The following MARCHF1 variants were observed in gnomAD, a reference collection of about 807,000 sequenced individuals.
The protein encoded by MARCHF1 is membrane associated ring-CH-type finger 1, also known as E3 ubiquitin-protein ligase MARCHF1.
MARCHF1 carries 40 observed loss-of-function variants against 54.2 expected under a neutral mutation model. The observed-to-expected ratio is 0.74, with a 90% CI of 0.57 to 0.96. The LOEUF is 0.96. Ranked by LOEUF, MARCHF1 falls within the 40% of genes least tolerant of loss-of-function variation. The probability of loss-of-function intolerance (pLI) is 0.00; values close to 1 mark genes in which losing one functional copy is unlikely to be tolerated. For missense variants in MARCHF1, 586 were observed against 656.5 expected, an observed-to-expected ratio of 0.89 and a Z score of 1.17; for synonymous variants, 236 against 236.3, an observed-to-expected ratio of 1.00 and a Z score of 0.01.
At chr4:163,824,943 A>T (rs1488524646) in intron 4 of MARCHF1, among the ~76,000 whole-genome samples, 1 of 149,460 alleles carries the variant, frequency 6.7e-6, no homozygotes, top group African/African-American at 2.5e-5. Flanking sequence ...ACAATGAGAT[A>T]CCATCTCACA....
chr4:164,162,782 G>A (rs1045519931), intron 1 of MARCHF1, among the ~76,000 whole-genome samples: 2 of 152,008 alleles, frequency 1.3e-5, no homozygotes, highest in East Asian at 1.9e-4. Context: ...AAGAGCTCAG[G>A]AAATTCAAAG....
chr4:163,634,244 C>A (rs1279038443), intron 5 of MARCHF1, among the ~76,000 whole-genome samples: 6 of 151,250 alleles, frequency 4.0e-5, no homozygotes, highest in Non-Finnish European at 7.4e-5. Context: ...TCACACATAA[C>A]AATATTAACT....
intron 1 of MARCHF1, among the ~76,000 whole-genome samples, chr4:164,169,219 TTAAAG>T (rs1240636753): frequency 2.0e-5 from 3 of 152,098 alleles, no homozygotes; most frequent in Non-Finnish European, 4.4e-5. Flanking sequence ...CTTTAAAAAA[TTAAAG>T]TAAACTTAAA....
intron 1 of MARCHF1, among the ~76,000 whole-genome samples, chr4:164,238,950 T>C (rs1216749713): frequency 6.6e-6 from 1 of 152,060 alleles, no homozygotes; most frequent in Non-Finnish European, 1.5e-5. Flanking sequence ...GGAAACCTGA[T>C]ATTCTGTTTT....
At chr4:164,192,936 G>A in intron 1 of MARCHF1, among the ~76,000 whole-genome samples, 1 of 152,140 alleles carries the variant, frequency 6.6e-6, no homozygotes, top group East Asian at 1.9e-4. Context: ...AATGGTTAGA[G>A]GGAGGACACT....
At chr4:163,912,843 G>A (rs1751224856) in intron 3 of MARCHF1, among the ~76,000 whole-genome samples, 1 of 152,188 alleles carries the variant, frequency 6.6e-6, no homozygotes, top group African/African-American at 2.4e-5. Flanking sequence ...TATTTAGGAA[G>A]TTACTACGAA....
At chr4:164,264,941 C>CA (rs1733569168) in intron 1 of MARCHF1, among the ~76,000 whole-genome samples, 1 of 136,504 alleles carries the variant, frequency 7.3e-6, no homozygotes, top group Non-Finnish European at 1.6e-5. Flanking sequence ...ACAAAAAAAA[C>CA]ACCACCATCA....
intron 4 of MARCHF1, among the ~76,000 whole-genome samples, chr4:163,788,669 C>T (rs796898994): frequency 5.3e-5 from 8 of 152,128 alleles, no homozygotes; most frequent in African/African-American, 1.9e-4. Flanking sequence ...GCCTTTCTCA[C>T]TGCATCATAT....
At chr4:163,601,040 T>A (rs1740945859) in intron 7 of MARCHF1, among the ~76,000 whole-genome samples, 1 of 152,142 alleles carries the variant, frequency 6.6e-6, no homozygotes, top group South Asian at 2.1e-4. Flanking sequence ...AAAAGAAAAC[T>A]CGTTGAGGTT....
At chr4:164,282,813 T>C (rs985747061) in intron 1 of MARCHF1, among the ~76,000 whole-genome samples, 2 of 151,284 alleles carry the variant, frequency 1.3e-5, no homozygotes, top group Admixed American at 1.3e-4. Flanking sequence ...TTCCATGTGA[T>C]AATTATTTCT....
intron 4 of MARCHF1, among the ~76,000 whole-genome samples, chr4:163,727,906 T>C (rs1468606589): frequency 6.6e-6 from 1 of 151,950 alleles, no homozygotes; most frequent in African/African-American, 2.4e-5. Flanking sequence ...AGGCTGGTCT[T>C]AAACTCCTGG....
intron 4 of MARCHF1, among the ~76,000 whole-genome samples, chr4:163,800,944 A>C (rs1748066815): frequency 6.6e-6 from 1 of 152,054 alleles, no homozygotes; most frequent in Admixed American, 6.6e-5. Flanking sequence ...GTGTCTCTAA[A>C]ATCAATTATT....
chr4:164,017,671 C>T (rs1378526974), intron 2 of MARCHF1, among the ~76,000 whole-genome samples: 1 of 151,532 alleles, frequency 6.6e-6, no homozygotes, highest in African/African-American at 2.4e-5. Context: ...TAAATAAATA[C>T]ATATATTATT....
chr4:164,176,378 C>G (rs926184879), intron 1 of MARCHF1, among the ~76,000 whole-genome samples: 2 of 152,102 alleles, frequency 1.3e-5, no homozygotes, highest in Non-Finnish European at 2.9e-5. Context: ...ACAGCACTAA[C>G]AAAAGGTATC....
At chr4:164,106,155 T>G (rs907791928) in intron 2 of MARCHF1, among the ~76,000 whole-genome samples, 10 of 148,552 alleles carry the variant, frequency 6.7e-5, no homozygotes, top group Admixed American at 1.3e-4. Context: ...GGAACACTTT[T>G]ACACTGTTGG....
Position 164,276,947 on chromosome 4 carries a change from T to TATATATATATATATAG in MARCHF1, c.-323+106922_-323+106923insCTATATATATATATAT, listed in dbSNP as rs1392528920. Among the ~76,000 whole-genome samples the TATATATATATATATAG allele has an allele frequency of 7.1e-3, 844 of 118,640 alleles. 3 individuals are homozygous for TATATATATATATATAG. Among genetic ancestry groups the TATATATATATATATAG allele is most frequent in the Non-Finnish European group, 0.011 (563 of 53,552 alleles). 77.8% of individuals were successfully genotyped at this position (118,640 alleles called of 152,430 possible). On this transcript the variant is annotated intron_variant, in intron 1 of 9. Transcript: ENST00000514618. ...ATGTCTCATATTCTATATATATATATAGAGAGAGAGAGAGAGAGAGACAGA... is the reference window on the plus strand; with the variant it reads ...ATGTCTCATATTCTATATATATATATATATATATATATATAGAGAGAGAGAGAGAGAGAGAGACAGA...
rs185532328 is a variant in MARCHF1, at chr4:164,093,539, T to C, written c.-248+18049A>G. On this transcript the variant is annotated intron_variant, in intron 2 of 9. Coordinates refer to ENST00000514618, the MANE Select transcript of MARCHF1 (RefSeq NM_001394959.1). The stretch of plus-strand genomic sequence containing the variant: ...TCTGTGCTCTGTTACAAAGAGTCTA[T>C]GATACCCAAACTATATTTCCCAGAT... 1.4e-3 allele frequency among the ~76,000 whole-genome samples: 219 copies of C among 152,298 alleles called. 1 individual carries two copies. Among genetic ancestry groups the C allele is most frequent in the Non-Finnish European group, 2.4e-3 (164 of 68,024 alleles).
intron 1 of MARCHF1, chr4:164,189,765 G>A: frequency 3.0e-6 from 4 of 1,350,020 alleles, no homozygotes; most frequent in Non-Finnish European, 4.3e-6. Flanking sequence ...CATAATCAAG[G>A]TCTATGAGGA....
chr4:163,530,002 T>C (rs1406388577), intron 9 of MARCHF1: 7 of 151,982 alleles, frequency 4.6e-5, no homozygotes, highest in African/African-American at 1.7e-4. Flanking sequence ...ATGGTAGAAA[T>C]GTGTAAAAAC....
Sources: allele counts gnomAD v4.1 joint callset (sites outside exome capture counted in the v4.1 genomes callset), GRCh38; gene constraint gnomAD v4.1.1; transcripts MANE v1.5; gene names NCBI Gene and HGNC (gene_info 2026-07-23, HGNC 2026-07-21).